The following TTC39A variants were observed in gnomAD, a reference collection of about 807,000 sequenced individuals.
The protein encoded by TTC39A is tetratricopeptide repeat protein 39A.
TTC39A carries 46 observed loss-of-function variants against 82.3 expected under a neutral mutation model. That is an observed-to-expected ratio of 0.56 (90% CI 0.44 to 0.71). The LOEUF (loss-of-function observed/expected upper bound fraction) is 0.71, where lower values mean the gene tolerates loss of function less well. Among genes scored for constraint, TTC39A ranks in the 30% least tolerant of loss-of-function variants. The pLI is 0.00. For missense variants in TTC39A, 543 were observed against 712.9 expected (o/e 0.76, Z 2.71); for synonymous variants, 254 against 275.2 (o/e 0.92, Z 0.76).
Position 51,303,185 on chromosome 1 carries a change from C to T in TTC39A, c.662G>A (p.Gly221Glu). ...FVGFSGNKDY[G>E]LLQLEEGASG... is the part of the protein sequence containing the mutation. ...CGCTCCCTCCTCCAGCTGCAGCAGC[C>T]CATAGTCCTGAGGGGATGGGAGGGT... is the stretch of plus-strand genomic sequence containing the variant. The change falls in exon 9 of 18, where the codon GGG becomes GAG. Residue 221 changes from glycine to glutamate, a missense_variant. By Grantham distance (98) the Gly-to-Glu change is moderately conservative (BLOSUM62 -2). Coordinates refer to ENST00000680483, the MANE Select transcript of TTC39A (RefSeq NM_001297663.2). 1.3e-6 allele frequency: 2 copies of T among 1,565,036 alleles called. No individual in the cohort carries two copies. The highest frequency in any genetic ancestry group is 1.7e-6 in the Non-Finnish European group (2 of 1,154,384).
intron 15 of TTC39A, 72 bp downstream of exon 15, chr1:51,290,442 T>A: frequency 7.3e-7 from 1 of 1,370,166 alleles, no homozygotes; most frequent in Non-Finnish European, 1.0e-6. Flanking sequence ...GAAGGACATT[T>A]TTGGCAGAGG....
chr1:51,303,414 C>T lies in TTC39A; in HGVS notation c.655-222G>A, dbSNP rs377216059. Among the ~76,000 whole-genome samples, 90 of 152,336 alleles carry T rather than the reference C, an allele frequency of 5.9e-4. 1 individual carries two copies. The South Asian group carries it at 0.017, about 29-fold the overall frequency. On this transcript the variant is annotated intron_variant, in intron 8 of 17. Transcript: ENST00000680483. ...TGCCAAGGCCAGGACAAAGGCTTGG[C>T]GGGTCTGAGGTGTCCCCCACCTTCT...
At chr1:51,326,215 C>CCT (rs1645708398) in intron 1 of TTC39A, among the ~76,000 whole-genome samples, 5 of 152,292 alleles carry the variant, frequency 3.3e-5, no homozygotes, top group African/African-American at 1.2e-4. Flanking sequence ...CCAGAAGACA[C>CCT]CTCTAACTCA....
In TTC39A at chr1:51,330,285, G is replaced by A. The variant is rs1645857473; in HGVS notation, c.41+152C>T. On this transcript the variant is annotated intron_variant, in intron 1 of 17. Transcript: ENST00000680483. The surrounding 1 kb of genome is among the most constrained non-coding windows in gnomAD (Gnocchi z 4.5). Reference sequence around the variant, plus strand: ...CCCTGCCCCCACTCCTGGCAGCGGCGGCGGCTGCCAGGGGCCGGGCGGGGT... The same window carrying A: ...CCCTGCCCCCACTCCTGGCAGCGGCAGCGGCTGCCAGGGGCCGGGCGGGGT... The A allele has an allele frequency of 1.2e-5, 11 of 946,058 alleles. No individual in the cohort carries two copies. Among genetic ancestry groups the A allele is most frequent in the African/African-American group, 3.6e-5 (2 of 56,330 alleles). The allele number at this position is 946,058 out of a possible 1,614,324, so 58.6% of individuals were successfully genotyped here.
intron 2 of TTC39A, among the ~76,000 whole-genome samples, chr1:51,320,704 C>T (rs780465637): frequency 6.6e-6 from 1 of 151,370 alleles, no homozygotes; most frequent in Non-Finnish European, 1.5e-5. Context: ...CTACCTGCCT[C>T]GACCTCCCAA....
At chr1:51,344,407 T>TTA (rs1646072363) in intron 1 of TTC39A, among the ~76,000 whole-genome samples, 2 of 152,080 alleles carry the variant, frequency 1.3e-5, no homozygotes, top group South Asian at 4.2e-4. Context: ...GCGCACTAAC[T>TTA]TATCCCGGAG....
intron 3 of TTC39A, 136 bp downstream of exon 3, chr1:51,312,676 G>A: frequency 7.5e-7 from 1 of 1,324,828 alleles, no homozygotes; most frequent in Non-Finnish European, 1.0e-6. Flanking sequence ...AACAGGGACA[G>A]CTCTTAGCAC....
rs12027285 is a variant in TTC39A at position 51,288,355 on chromosome 1, T to A, written c.1611-75A>T. On this transcript the variant is annotated intron_variant, in intron 17 of 17. Coordinates refer to ENST00000680483, the MANE Select transcript of TTC39A (RefSeq NM_001297663.2). This position sits in a 1 kb window ranked among gnomAD's most constrained non-coding sequence, Gnocchi z 4.8. ...TGCTTTTCCTCCTGTTTGAGCTGTATGAGCCCCGCGAGCCAAGGAAGGATT... is the reference window on the plus strand; with the variant it reads ...TGCTTTTCCTCCTGTTTGAGCTGTAAGAGCCCCGCGAGCCAAGGAAGGATT... The A allele has an allele frequency of 3.8e-6, 6 of 1,573,614 alleles. No individual in the cohort carries two copies. The East Asian group carries it at 1.3e-4, about 35-fold the overall frequency.
chr1:51,296,253 T>C, intron 12 of TTC39A, 83 bp from the exon 13 acceptor site: 1 of 1,361,814 alleles, frequency 7.3e-7, no homozygotes, highest in Non-Finnish European at 1.0e-6. Context: ...GGACCTCACG[T>C]GGCCCAGCAC....
chr1:51,304,370 T>G (rs1399432198), intron 8 of TTC39A, among the ~76,000 whole-genome samples: 1 of 152,136 alleles, frequency 6.6e-6, no homozygotes, highest in Non-Finnish European at 1.5e-5. Context: ...TAAGGGCCAG[T>G]GCACGTTTGA....
chr1:51,334,007 C>T (rs1185225823), upstream of TTC39A, among the ~76,000 whole-genome samples: 3 of 152,074 alleles, frequency 2.0e-5, no homozygotes, highest in African/African-American at 4.8e-5. Context: ...GCCTCAGTTT[C>T]CTCATCAGTA....
chr1:51,343,185 C>T, intron 1 of TTC39A: 1 of 406,662 alleles, frequency 2.5e-6, no homozygotes, highest in South Asian at 1.7e-5. Flanking sequence ...ATGTGCTGTG[C>T]TCTGGGAACA....
intron 1 of TTC39A, among the ~76,000 whole-genome samples, chr1:51,340,420 AG>A (rs1468385098): frequency 6.6e-6 from 1 of 152,226 alleles, no homozygotes; most frequent in Non-Finnish European, 1.5e-5. Flanking sequence ...AGGAATGGGC[AG>A]GGTGCTCCAA....
At chr1:51,317,013 C>T (rs901608461) in intron 2 of TTC39A, among the ~76,000 whole-genome samples, 4 of 152,196 alleles carry the variant, frequency 2.6e-5, no homozygotes, top group African/African-American at 7.2e-5. Context: ...GTCCCAGAGA[C>T]AGTGCGTCAG....
intron 13 of TTC39A, among the ~76,000 whole-genome samples, chr1:51,295,275 G>C (rs1644371810): frequency 6.6e-6 from 1 of 152,190 alleles, no homozygotes; most frequent in South Asian, 2.1e-4. Flanking sequence ...GGGGGACATG[G>C]AGTCTGCTGT....
chr1:51,339,171 G>A (rs940170312), intron 1 of TTC39A, among the ~76,000 whole-genome samples: 3 of 152,162 alleles, frequency 2.0e-5, no homozygotes, highest in Non-Finnish European at 4.4e-5. Context: ...ACCTGAGGCT[G>A]CAGGAGGCAA....
intron 1 of TTC39A, among the ~76,000 whole-genome samples, chr1:51,324,696 G>T (rs748822516): frequency 2.0e-5 from 3 of 151,738 alleles, no homozygotes; most frequent in African/African-American, 7.3e-5. Flanking sequence ...TAATTTTTTT[G>T]TATTTTCAGT....
intron 1 of TTC39A, among the ~76,000 whole-genome samples, chr1:51,323,883 C>T (rs909006351): frequency 6.6e-6 from 1 of 152,104 alleles, no homozygotes; most frequent in Non-Finnish European, 1.5e-5. Context: ...TCTGCTCTTT[C>T]TTGTTTCTGG....
intron 5 of TTC39A, among the ~76,000 whole-genome samples, chr1:51,309,827 TAAAC>T (rs1408608500): frequency 6.6e-6 from 1 of 151,740 alleles, no homozygotes; most frequent in African/African-American, 2.4e-5. Context: ...GAAGGACAGA[TAAAC>T]AAACTGCGGT....
Sources: gnomAD v4.1 joint callset for allele counts (sites outside exome capture counted in the v4.1 genomes callset) on GRCh38, gnomAD v4.1.1 for gene constraint, Gnocchi (gnomAD v3.1) non-coding constraint, MANE v1.5 for transcripts, NCBI Gene and HGNC (gene_info 2026-07-23, HGNC 2026-07-21) for gene names.